Variants in ARSB observed in about 807,000 individuals in gnomAD.
The protein encoded by ARSB is N-acetylgalactosamine-4-sulfatase.
A neutral mutation model predicts 50.9 loss-of-function variants in ARSB; 41 were observed. The ratio of observed to expected loss-of-function variants is 0.81; its 90% CI spans 0.63 to 1.04. The LOEUF (loss-of-function observed/expected upper bound fraction) is 1.04. ARSB is among the 50% of genes least tolerant of loss of function. The pLI is 0.00. For synonymous variants in ARSB, 269 were observed against 284.8 expected, an observed-to-expected ratio of 0.94 and a Z score of 0.56; for missense variants, 672 against 693.3, an observed-to-expected ratio of 0.97 and a Z score of 0.35.
intron 5 of ARSB, among the ~76,000 whole-genome samples, chr5:78,863,037 C>G (rs1328762723): frequency 1.3e-5 from 2 of 152,160 alleles, no homozygotes. Context: ...CAGAGAAATG[C>G]AAATCAAAAC....
chr5:78,936,066 T>C (rs1273948939), intron 4 of ARSB, among the ~76,000 whole-genome samples: 1 of 71,792 alleles, frequency 1.4e-5, no homozygotes, highest in African/African-American at 5.9e-5. Context: ...CCTCCCTCCC[T>C]CCCTCTCTTT....
At chr5:78,982,304 T>C (rs1215723427) in intron 1 of ARSB, among the ~76,000 whole-genome samples, 1 of 152,272 alleles carries the variant, frequency 6.6e-6, no homozygotes, top group Non-Finnish European at 1.5e-5. Flanking sequence ...TCTAAAATTA[T>C]GCATAACAAA....
chr5:78,931,474 C>T lies in ARSB; in HGVS notation c.898+23821G>A, dbSNP rs188919992. Among the ~76,000 whole-genome samples, 4 of 152,254 alleles carry T rather than the reference C, an allele frequency of 2.6e-5. No homozygotes were observed. In the East Asian group the frequency reaches 7.7e-4, roughly 29 times the overall value. On this transcript the variant is annotated intron_variant, in intron 4 of 7. Transcript: ENST00000264914. The stretch of plus-strand genomic sequence containing the variant: ...CTCATTCATGAATGCATATTCCTCA[C>T]TTAGTGCCCCCATCTTCCTCCAGCT...
chr5:78,893,086 C>T (rs1001551456), intron 4 of ARSB, among the ~76,000 whole-genome samples: 2 of 152,256 alleles, frequency 1.3e-5, no homozygotes, highest in African/African-American at 4.8e-5. Context: ...ATACTGTTCT[C>T]GTGGTAGTGA....
intron 5 of ARSB, among the ~76,000 whole-genome samples, chr5:78,870,208 G>C (rs1747059847): frequency 6.8e-6 from 1 of 146,744 alleles, no homozygotes; most frequent in Admixed American, 7.0e-5. Flanking sequence ...GGACCAGAAG[G>C]ATTCACAGCC....
At chr5:78,835,963 C>T (rs188594943) in intron 6 of ARSB, among the ~76,000 whole-genome samples, 7 of 152,260 alleles carry the variant, frequency 4.6e-5, no homozygotes, top group African/African-American at 1.7e-4. Context: ...CATTGTTAAC[C>T]CTCAGTTTAC....
Position 78,969,151 on chromosome 5 carries a change from C to T in ARSB, c.354G>A (p.Gln118=). 6.2e-7 allele frequency: 1 copy of T among 1,614,130 alleles called. No homozygotes were observed. The highest frequency in any genetic ancestry group is 8.5e-7 in the Non-Finnish European group (1 of 1,180,024). The change falls in exon 2 of 8, where the codon CAG becomes CAA. Residue 118 remains glutamine (Q), a synonymous_variant. Coordinates refer to ENST00000264914, the MANE Select transcript of ARSB (RefSeq NM_000046.5). The part of the protein sequence containing the change: ...GLQHQIIWPC[Q]PSCVPLDEKL... ...TTTCATCCAGAGGAACACAGCTGGG[C>T]TGACAGGGCCAGATTATTTGGTGCT...
Position 78,914,205 on chromosome 5 carries a change from T to A in ARSB, c.899-28378A>T, listed in dbSNP as rs189228337. Among the ~76,000 whole-genome samples the A allele has an allele frequency of 1.7e-4, 26 of 152,244 alleles. No homozygotes were observed. In the East Asian group the frequency reaches 4.4e-3, roughly 26 times the overall value. On this transcript the variant is annotated intron_variant, in intron 4 of 7. Coordinates refer to ENST00000264914, the MANE Select transcript of ARSB (RefSeq NM_000046.5). Reference sequence around the variant, plus strand: ...GTCTCAAATTCCTGGCCTCAAGTAATCTTCCTGCCTTGGCCTCCCAAAGTG... The same window carrying A: ...GTCTCAAATTCCTGGCCTCAAGTAAACTTCCTGCCTTGGCCTCCCAAAGTG...
At chr5:78,947,379 A>G (rs1394918469) in intron 4 of ARSB, among the ~76,000 whole-genome samples, 1 of 152,156 alleles carries the variant, frequency 6.6e-6, no homozygotes, top group African/African-American at 2.4e-5. Flanking sequence ...CAAACTATCC[A>G]TTTGACAAGG....
chr5:78,926,996 C>A (rs1750083830), intron 4 of ARSB, among the ~76,000 whole-genome samples: 1 of 152,174 alleles, frequency 6.6e-6, no homozygotes, highest in Non-Finnish European at 1.5e-5. Context: ...ATCCTCCCAC[C>A]TCAGCCTCCC....
chr5:78,944,506 G>C (rs1276281359), intron 4 of ARSB, among the ~76,000 whole-genome samples: 1 of 152,160 alleles, frequency 6.6e-6, no homozygotes. Flanking sequence ...AGTCAGGACC[G>C]TCAGCTGCAG....
chr5:78,786,687 T>G (rs1376020002), intron 6 of ARSB, among the ~76,000 whole-genome samples: 1 of 152,196 alleles, frequency 6.6e-6, no homozygotes, highest in Admixed American at 6.5e-5. Flanking sequence ...GATCTTAGCT[T>G]TAGCTCACTG....
At chr5:78,853,080 C>G (rs534587036) in intron 5 of ARSB, among the ~76,000 whole-genome samples, 1 of 152,326 alleles carries the variant, frequency 6.6e-6, no homozygotes, top group South Asian at 2.1e-4. Flanking sequence ...CTCCGTCCAG[C>G]TTTGTTCCGT....
Position 78,985,127 on chromosome 5 carries a change from G to T in ARSB, c.122C>A (p.Ala41Asp). ...LLAPPGSGAG[A>D]SRPPHLVFLL... ...GAAGACCAGGTGGGGCGGCCGGCTG[G>T]CCCCGGCGCCCGAGCCCGGCGGCGC... Residue 41 changes from alanine to aspartate, a missense_variant, in exon 1 of 8, where the codon GCC becomes GAC. By Grantham distance (126) the Ala-to-Asp change is moderately radical (BLOSUM62 -2). Transcript: ENST00000264914. 6.8e-7 allele frequency: 1 copy of T among 1,478,332 alleles called. No homozygotes were observed. The highest frequency in any genetic ancestry group is 9.0e-7 in the Non-Finnish European group (1 of 1,113,138). 91.6% of individuals were successfully genotyped at this position (1,478,332 alleles called of 1,614,324 possible). A position where few individuals can be genotyped will look rare whatever the true frequency, so the allele number is the denominator to read the frequency against.
chr5:78,950,116 C>T (rs1259027265), intron 4 of ARSB, among the ~76,000 whole-genome samples: 1 of 152,132 alleles, frequency 6.6e-6, no homozygotes, highest in African/African-American at 2.4e-5. Flanking sequence ...TTAGCAACTA[C>T]AAAGATCAGC....
At chr5:78,825,815 G>A (rs992805787) in intron 6 of ARSB, among the ~76,000 whole-genome samples, 4 of 152,006 alleles carry the variant, frequency 2.6e-5, no homozygotes, top group African/African-American at 9.7e-5. Context: ...AATATAAATA[G>A]TTCAAATACC....
intron 5 of ARSB, among the ~76,000 whole-genome samples, chr5:78,866,567 G>A (rs1343065723): frequency 6.6e-6 from 1 of 152,228 alleles, no homozygotes; most frequent in African/African-American, 2.4e-5. Context: ...ATACCTGACA[G>A]ATCAAAGCAC....
At chr5:78,926,277 T>C (rs909432727) in intron 4 of ARSB, among the ~76,000 whole-genome samples, 5 of 152,210 alleles carry the variant, frequency 3.3e-5, no homozygotes, top group South Asian at 2.1e-4. Context: ...TGGGTTTTCT[T>C]TGAAGCAGCT....
chr5:78,897,887 A>C lies in ARSB; in HGVS notation c.899-12060T>G, dbSNP rs543689933. 2.0e-5 allele frequency among the ~76,000 whole-genome samples: 3 copies of C among 152,286 alleles called. No individual in the cohort carries two copies. In the South Asian group the frequency reaches 6.2e-4, roughly 32 times the overall value. ...ATTTTTTTCTAGCAACTAAGACTTC[A>C]AAAATGATTAATCTAAGTTCATTCA... On this transcript the variant is annotated intron_variant, in intron 4 of 7. Transcript: ENST00000264914.
Sources: allele counts gnomAD v4.1 joint callset (sites outside exome capture counted in the v4.1 genomes callset), GRCh38; gene constraint gnomAD v4.1.1; transcripts MANE v1.5; gene names NCBI Gene and HGNC (gene_info 2026-07-23, HGNC 2026-07-21).